RBM25: variants seen among roughly 807,000 people sequenced by gnomAD.
RBM25 encodes RNA binding motif protein 25, also known as RNA-binding protein 25.
Under a neutral mutation model 120.7 loss-of-function variants are expected in RBM25, and 19 were observed. The ratio of observed to expected loss-of-function variants is 0.16; its 90% CI spans 0.11 to 0.23. The LOEUF is 0.23. Among genes scored for constraint, RBM25 ranks in the 10% least tolerant of loss-of-function variants. The pLI is 1.00. For missense variants in RBM25, 605 were observed against 1,041.5 expected, an observed-to-expected ratio of 0.58 and a Z score of 5.77; for synonymous variants, 390 against 326.7, an observed-to-expected ratio of 1.19 and a Z score of -2.09.
chr14:73,098,304 AT>A, intron 7 of RBM25, among the ~76,000 whole-genome samples: 1 of 151,888 alleles, frequency 6.6e-6, no homozygotes, highest in Non-Finnish European at 1.5e-5. Flanking sequence ...TAATTTTTGT[AT>A]TTTTTGTAGA....
At chr14:73,094,519 C>T (rs926004993) in intron 6 of RBM25, among the ~76,000 whole-genome samples, 1 of 151,508 alleles carries the variant, frequency 6.6e-6, no homozygotes, top group African/African-American at 2.4e-5. Context: ...GTGATATTGG[C>T]TCACTGCAAT....
Position 73,097,044 on chromosome 14 carries a change from C to A in RBM25, c.673C>A (p.Pro225Thr). 6.2e-7 allele frequency: 1 copy of A among 1,613,276 alleles called. No individual in the cohort carries two copies. The highest frequency in any genetic ancestry group is 1.3e-5 in the African/African-American group (1 of 74,902). The change falls in exon 7 of 19, where the codon CCC (proline) becomes ACC (threonine). Residue 225 changes from proline to threonine, a missense_variant. This residue lies in a region of RBM25 where 465 missense variants were observed against 741.6 expected (regional missense o/e 0.63). Transcript: ENST00000261973. ...TGAATACTCCAGTGAGCTAAATGCC[C>A]CCTCACAGGAATCTGATTCTCACCC... ...IREYSSELNA[P>T]SQESDSHPRK...
rs1043639788 is a variant in RBM25, at chr14:73,123,185, C to T, written c.*3380C>T. ...GAAGCGTGCTGTTTCAGGTATTAAT[C>T]TGCCATGAATACTAGATATAGTAGA... On this transcript the variant is annotated 3_prime_UTR_variant, in exon 19 of 19. Transcript: ENST00000261973. 1 of 151,756 alleles carries T rather than the reference C, an allele frequency of 6.6e-6. No individual in the cohort carries two copies. The highest frequency in any genetic ancestry group is 1.5e-5 in the Non-Finnish European group (1 of 68,012). The allele number at this position is 151,756 out of a possible 1,614,324, so 9.4% of individuals were successfully genotyped here.
Position 73,063,873 on chromosome 14 carries a change from G to T in RBM25, c.-16+5168G>T, listed in dbSNP as rs551340738. Among the ~76,000 whole-genome samples the T allele has an allele frequency of 3.3e-5, 5 of 151,284 alleles. No homozygotes were observed. The East Asian group carries it at 9.7e-4, about 29-fold the overall frequency. ...ATGTTTATTTACATTGTGTTACATAGCCCTACACTCTACTCATAATACTCA... is the reference window on the plus strand; with the variant it reads ...ATGTTTATTTACATTGTGTTACATATCCCTACACTCTACTCATAATACTCA... On this transcript the variant is annotated intron_variant, in intron 1 of 18. Coordinates refer to ENST00000261973, the MANE Select transcript of RBM25 (RefSeq NM_021239.3).
At chr14:73,102,909 A>G (rs1896082732) in intron 9 of RBM25, 1 of 338,462 alleles carries the variant, frequency 3.0e-6, no homozygotes, top group South Asian at 7.6e-5. Flanking sequence ...CTTCATGGTC[A>G]TTTTAGTTAG....
chr14:73,072,147 T>G (rs1172654473), intron 2 of RBM25, among the ~76,000 whole-genome samples: 1 of 152,074 alleles, frequency 6.6e-6, no homozygotes, highest in Non-Finnish European at 1.5e-5. Context: ...AAGTTTTATA[T>G]TTTTAGTAGA....
chr14:73,086,070 T>C lies in RBM25; in HGVS notation c.383-1931T>C, dbSNP rs140421786. Among the ~76,000 whole-genome samples, 368 of 151,986 alleles carry C rather than the reference T, an allele frequency of 2.4e-3. 2 individuals are homozygous for C. The highest frequency in any genetic ancestry group is 8.4e-3 in the African/African-American group (348 of 41,432). Reference sequence around the variant, plus strand: ...CTAAGGTCATCTAGTATAATAGGTTTTCGGCCCCAGACTTAGAATCAGCCA... The same window carrying C: ...CTAAGGTCATCTAGTATAATAGGTTCTCGGCCCCAGACTTAGAATCAGCCA... On this transcript the variant is annotated intron_variant, in intron 5 of 18. Coordinates refer to ENST00000261973, the MANE Select transcript of RBM25 (RefSeq NM_021239.3).
intron 6 of RBM25, among the ~76,000 whole-genome samples, chr14:73,092,701 C>T (rs1260090774): frequency 1.3e-5 from 2 of 151,456 alleles, no homozygotes; most frequent in Admixed American, 6.6e-5. Context: ...TTAGGTATAT[C>T]TCCTAATCCT....
At chr14:73,097,584 C>T (rs1286924274) in intron 7 of RBM25, among the ~76,000 whole-genome samples, 16 of 152,166 alleles carry the variant, frequency 1.1e-4, no homozygotes, top group South Asian at 2.1e-4. Context: ...ATCCTCCTGC[C>T]TCCGCTTCCT....
chr14:73,118,544 A>G (rs527283919), intron 18 of RBM25, among the ~76,000 whole-genome samples: 122 of 151,926 alleles, frequency 8.0e-4, no homozygotes, highest in Non-Finnish European at 1.6e-3. Context: ...TATTGTTATT[A>G]TGTAATTGTA....
At chr14:73,087,444 G>A (rs1027033843) in intron 5 of RBM25, among the ~76,000 whole-genome samples, 7 of 148,102 alleles carry the variant, frequency 4.7e-5, no homozygotes, top group African/African-American at 1.3e-4. Flanking sequence ...CGCCCAGGCC[G>A]GACTGCAGTG....
intron 1 of RBM25, among the ~76,000 whole-genome samples, chr14:73,060,592 A>G (rs1359356290): frequency 1.3e-5 from 2 of 151,488 alleles, no homozygotes; most frequent in South Asian, 2.1e-4. Context: ...TTCAAACACT[A>G]TCACTGCCAT....
intron 1 of RBM25, chr14:73,068,053 T>G: frequency 2.1e-6 from 1 of 484,398 alleles, no homozygotes; most frequent in South Asian, 2.1e-5. Flanking sequence ...CGCACACTGG[T>G]TTAGCGTGAG....
Position 73,123,680 on chromosome 14 carries a change from T to G in RBM25, c.*3875T>G, listed in dbSNP as rs1040411353. Reference sequence around the variant, plus strand: ...TTACACTTTTTGATAAACTGATAGATTTTTTGTAATGTGATTATGGTAAAA... The same window carrying G: ...TTACACTTTTTGATAAACTGATAGAGTTTTTGTAATGTGATTATGGTAAAA... On this transcript the variant is annotated 3_prime_UTR_variant, in exon 19 of 19. Coordinates refer to ENST00000261973, the MANE Select transcript of RBM25 (RefSeq NM_021239.3). 2.0e-5 allele frequency: 3 copies of G among 152,186 alleles called. No homozygotes were observed. The highest frequency in any genetic ancestry group is 1.3e-4 in the Admixed American group (2 of 15,276). The allele number at this position is 152,186 out of a possible 1,614,324, so 9.4% of individuals were successfully genotyped here.
At chr14:73,065,459 T>C (rs1304151065) in intron 1 of RBM25, among the ~76,000 whole-genome samples, 1 of 142,756 alleles carries the variant, frequency 7.0e-6, no homozygotes, top group African/African-American at 2.6e-5. Context: ...TGAGTCTTGC[T>C]CTGTCGCCAA....
At chr14:73,096,710 G>A (rs577267190) in intron 6 of RBM25, among the ~76,000 whole-genome samples, 1 of 152,146 alleles carries the variant, frequency 6.6e-6, no homozygotes, top group East Asian at 1.9e-4. Flanking sequence ...TTAAGAAAAA[G>A]AAAATGAAAA....
At position 73,080,039 on chromosome 14, in the gene RBM25, C is replaced by G. The variant is rs541445077; in HGVS notation, c.324+2503C>G. Among the ~76,000 whole-genome samples the G allele has an allele frequency of 1.9e-4, 28 of 150,184 alleles. 1 individual carries two copies. Among genetic ancestry groups the G allele is most frequent in the Admixed American group, 1.6e-3 (24 of 15,002 alleles). On this transcript the variant is annotated intron_variant, in intron 4 of 18. Coordinates refer to ENST00000261973, the MANE Select transcript of RBM25 (RefSeq NM_021239.3). ...AAGTCTCTGTTTTGCTATGTTATTA[C>G]TGCTAATGTTTTCTCCCTAGGTGTA...
chr14:73,121,644 CTT>C lies in RBM25; in HGVS notation c.*1842_*1843del, dbSNP rs773303577. The stretch of plus-strand genomic sequence containing the variant: ...TGTTCGAGGAGTTTATTGTGTCTGT[CTT>C]TTCTTAACATACTGCACTGTTCTTA... On this transcript the variant is annotated 3_prime_UTR_variant, in exon 19 of 19. Transcript: ENST00000261973. 18 of 152,292 alleles carry C rather than the reference CTT, an allele frequency of 1.2e-4. No homozygotes were observed. The highest frequency in any genetic ancestry group is 2.6e-4 in the Non-Finnish European group (18 of 68,008). 9.4% of individuals were successfully genotyped at this position (152,292 alleles called of 1,614,324 possible). A position where few individuals can be genotyped will look rare whatever the true frequency, so the allele number is the denominator to read the frequency against.
intron 1 of RBM25, among the ~76,000 whole-genome samples, chr14:73,071,362 C>T (rs1393323384): frequency 1.3e-5 from 2 of 151,754 alleles, no homozygotes; most frequent in African/African-American, 2.4e-5. Context: ...TTAACTGAAC[C>T]TCAAAATTTT....
Sources: allele counts gnomAD v4.1 joint callset (sites outside exome capture counted in the v4.1 genomes callset), GRCh38; gene constraint gnomAD v4.1.1; regional missense constraint gnomAD v4.1.1; transcripts MANE v1.5; gene names NCBI Gene and HGNC (gene_info 2026-07-23, HGNC 2026-07-21).